The following OSBPL9 variants were observed in gnomAD, a reference collection of about 807,000 sequenced individuals.
OSBPL9 encodes the protein oxysterol binding protein like 9, also known as oxysterol-binding protein-related protein 9.
A neutral mutation model predicts 106.6 loss-of-function variants in OSBPL9; 40 were observed. The observed-to-expected ratio is 0.38, with a 90% CI of 0.29 to 0.49. The LOEUF (loss-of-function observed/expected upper bound fraction) is 0.49. Ranked by LOEUF, OSBPL9 falls within the 20% of genes least tolerant of loss-of-function variation. The pLI, the probability that OSBPL9 is intolerant of heterozygous loss-of-function variation, is 0.97. For missense variants in OSBPL9, 609 were observed against 887.2 expected, an observed-to-expected ratio of 0.69 and a Z score of 3.98; for synonymous variants, 269 against 295.4, an observed-to-expected ratio of 0.91 and a Z score of 0.92.
chr1:51,522,015 C>T, the OSBPL9 span, among the ~76,000 whole-genome samples: 1 of 152,134 alleles, frequency 6.6e-6, no homozygotes, highest in South Asian at 2.1e-4. Flanking sequence ...CCTCGGCTTC[C>T]CAAAGTGCTG....
At chr1:51,775,139 T>A (rs1048988706) in intron 14 of OSBPL9, among the ~76,000 whole-genome samples, 1 of 152,218 alleles carries the variant, frequency 6.6e-6, no homozygotes, top group Non-Finnish European at 1.5e-5. Flanking sequence ...GGATTATGAA[T>A]TTACATGTTC....
At chr1:51,621,800 G>T (rs1167836450) in intron 1 of OSBPL9, among the ~76,000 whole-genome samples, 1 of 152,032 alleles carries the variant, frequency 6.6e-6, no homozygotes, top group Non-Finnish European at 1.5e-5. Context: ...TCTGCATTTT[G>T]GATTTTGTTG....
chr1:51,604,550 T>C (rs1426276038), intron 2 of OSBPL9, among the ~76,000 whole-genome samples: 3 of 151,784 alleles, frequency 2.0e-5, no homozygotes, highest in Non-Finnish European at 4.4e-5. Flanking sequence ...AGTGAGACTC[T>C]GTCTCAAAGA....
intron 2 of OSBPL9, among the ~76,000 whole-genome samples, chr1:51,664,516 C>T (rs1041968729): frequency 1.3e-5 from 2 of 151,902 alleles, no homozygotes; most frequent in African/African-American, 2.4e-5. Flanking sequence ...CATGGTGAAC[C>T]CTGTCTCTAC....
At position 51,764,308 on chromosome 1, in the gene OSBPL9, AT is replaced by A. The variant is rs559341357; in HGVS notation, c.779-1504del. On this transcript the variant is annotated intron_variant, in intron 11 of 23. Coordinates refer to ENST00000428468, the MANE Select transcript of OSBPL9 (RefSeq NM_024586.6). ...CTTAATCATTTGCAATTCTTGATCAATTTTTTTTTTATTCCAATAAGAAAAA... is the reference window on the plus strand; with the variant it reads ...CTTAATCATTTGCAATTCTTGATCAATTTTTTTTTATTCCAATAAGAAAAA... 1.7e-3 allele frequency among the ~76,000 whole-genome samples: 249 copies of A among 150,184 alleles called. 3 individuals carry two copies. The highest frequency in any genetic ancestry group is 0.012 in the South Asian group (58 of 4,746).
chr1:51,733,008 G>A (rs1347828948), intron 4 of OSBPL9, among the ~76,000 whole-genome samples: 1 of 152,154 alleles, frequency 6.6e-6, no homozygotes, highest in Non-Finnish European at 1.5e-5. Flanking sequence ...TTACCCCACT[G>A]TATCTCAAGT....
intron 1 of OSBPL9, among the ~76,000 whole-genome samples, chr1:51,622,288 C>T (rs1414526566): frequency 1.3e-5 from 2 of 152,022 alleles, no homozygotes; most frequent in African/African-American, 2.4e-5. Flanking sequence ...TCTTATCAGT[C>T]AGTAAAACAT....
At chr1:51,694,029 A>G (rs1010855436) in intron 3 of OSBPL9, among the ~76,000 whole-genome samples, 2 of 152,208 alleles carry the variant, frequency 1.3e-5, no homozygotes, top group Non-Finnish European at 2.9e-5. Flanking sequence ...CAATCAAGTA[A>G]GATATCACAT....
intron 4 of OSBPL9, among the ~76,000 whole-genome samples, chr1:51,720,589 C>G (rs1661917358): frequency 6.6e-6 from 1 of 152,038 alleles, no homozygotes; most frequent in Non-Finnish European, 1.5e-5. Flanking sequence ...TCCCAAAGTG[C>G]TGTGATTACA....
chr1:51,593,962 G>T (rs1645288297), intron 1 of OSBPL9, among the ~76,000 whole-genome samples: 1 of 150,474 alleles, frequency 6.6e-6, no homozygotes, highest in Non-Finnish European at 1.5e-5. Context: ...TCATTTGTTA[G>T]TGGGCTGAAA....
the OSBPL9 span, among the ~76,000 whole-genome samples, chr1:51,564,650 A>T: frequency 1.3e-4 from 20 of 152,248 alleles, no homozygotes; most frequent in Admixed American, 3.9e-4. Flanking sequence ...CCAAATTCAC[A>T]GTCATTCAAC....
chr1:51,573,463 G>C (rs1441304616), upstream of OSBPL9, among the ~76,000 whole-genome samples: 2 of 129,160 alleles, frequency 1.5e-5, no homozygotes, highest in Non-Finnish European at 3.1e-5. Context: ...AGCCGAGATT[G>C]TACCATTGCA....
intron 1 of OSBPL9, among the ~76,000 whole-genome samples, chr1:51,579,006 A>C (rs1645203628): frequency 6.6e-6 from 1 of 151,900 alleles, no homozygotes; most frequent in African/African-American, 2.4e-5. Context: ...ATGTAGCTCA[A>C]ATCAAAAGAC....
intron 13 of OSBPL9, 96 bp downstream of exon 13, chr1:51,772,278 G>A (rs1450298824): frequency 1.0e-5 from 10 of 961,572 alleles, no homozygotes; most frequent in South Asian, 4.8e-5. Context: ...TTGGGAGACC[G>A]AGGTGGGCAG....
chr1:51,643,349 A>C (rs535556888), intron 1 of OSBPL9, among the ~76,000 whole-genome samples: 2 of 152,366 alleles, frequency 1.3e-5, no homozygotes, highest in South Asian at 4.1e-4. Flanking sequence ...AGGGTTGGCT[A>C]TCTGCTCTAG....
chr1:51,660,788 G>A (rs974985420), intron 2 of OSBPL9, among the ~76,000 whole-genome samples: 2 of 152,208 alleles, frequency 1.3e-5, no homozygotes, highest in Non-Finnish European at 2.9e-5. Flanking sequence ...TAGACTGTAT[G>A]TTCCTCCAGG....
intron 1 of OSBPL9, among the ~76,000 whole-genome samples, chr1:51,581,312 A>G (rs1645220402): frequency 6.6e-6 from 1 of 152,092 alleles, no homozygotes; most frequent in African/African-American, 2.4e-5. Flanking sequence ...ACAGAGGTAA[A>G]CGGCCATTCT....
chr1:51,789,128 C>CA lies in OSBPL9; in HGVS notation c.*1343dup. ...TAAATCAAATGCTATGATGCCAGTG[C>CA]AAAACTTCAATGGAAGCCCTAAGGC... On this transcript the variant is annotated 3_prime_UTR_variant, in exon 24 of 24. Coordinates refer to ENST00000428468, the MANE Select transcript of OSBPL9 (RefSeq NM_024586.6). 1 of 1,055,236 alleles carries CA rather than the reference C, an allele frequency of 9.5e-7. No homozygotes were observed. Among genetic ancestry groups the CA allele is most frequent in the Non-Finnish European group, 1.4e-6 (1 of 691,328 alleles). The allele number at this position is 1,055,236 out of a possible 1,614,324, so 65.4% of individuals were successfully genotyped here.
intron 4 of OSBPL9, among the ~76,000 whole-genome samples, chr1:51,739,941 A>C (rs767371668): frequency 2.4e-4 from 36 of 151,982 alleles, no homozygotes; most frequent in Non-Finnish European, 4.1e-4. Context: ...CTAAAAACTT[A>C]ATTTGCTAAC....
Sources: allele counts gnomAD v4.1 joint callset (sites outside exome capture counted in the v4.1 genomes callset), GRCh38; gene constraint gnomAD v4.1.1; transcripts MANE v1.5; gene names NCBI Gene and HGNC (gene_info 2026-07-23, HGNC 2026-07-21).